Variants in C1orf94 observed in about 807,000 individuals in gnomAD.
The protein encoded by C1orf94 is uncharacterized protein C1orf94.
Under a neutral mutation model 53.6 loss-of-function variants are expected in C1orf94, and 45 were observed. The ratio of observed to expected loss-of-function variants is 0.84; its 90% CI spans 0.66 to 1.08. C1orf94 has a LOEUF of 1.08. Ranked by LOEUF, C1orf94 falls within the 50% of genes least tolerant of loss-of-function variation. C1orf94 has a pLI of 0.00. For synonymous variants in C1orf94, 304 were observed against 296.1 expected (o/e 1.03, Z -0.27); for missense variants, 762 against 738.9 (o/e 1.03, Z -0.36).
At chr1:34,195,498 A>G (rs1571342967) in intron 1 of C1orf94, among the ~76,000 whole-genome samples, 1 of 152,118 alleles carries the variant, frequency 6.6e-6, no homozygotes, top group Non-Finnish European at 1.5e-5. Flanking sequence ...AGAGAGGCTC[A>G]TGTTCAAGAA....
At chr1:34,169,603 G>GAGAGAGAGAGAA (rs1642110292) in intron 1 of C1orf94, among the ~76,000 whole-genome samples, 1 of 82,254 alleles carries the variant, frequency 1.2e-5, no homozygotes, top group African/African-American at 4.6e-5. Flanking sequence ...AGCTGAGAGA[G>GAGAGAGAGAGAA]AGAGAGAGAG....
intron 1 of C1orf94, among the ~76,000 whole-genome samples, chr1:34,189,737 G>A (rs920256211): frequency 6.6e-6 from 1 of 152,130 alleles, no homozygotes; most frequent in African/African-American, 2.4e-5. Context: ...CACTGCCACA[G>A]CTCCTGCAAG....
At position 34,177,700 on chromosome 1, in the gene C1orf94, G is replaced by A; in HGVS notation, c.-90G>A. On this transcript the variant is annotated 5_prime_UTR_variant, in exon 1 of 7. Transcript: ENST00000488417. ...CCCACCCCTCCCACACAAATAGAAG[G>A]CCTCTGAACCTAACCACCTTGCTGG... 1 of 1,187,226 alleles carries A rather than the reference G, an allele frequency of 8.4e-7. No individual in the cohort carries two copies. 73.5% of individuals were successfully genotyped at this position (1,187,226 alleles called of 1,614,324 possible). A position where few individuals can be genotyped will look rare whatever the true frequency, so the allele number is the denominator to read the frequency against.
At chr1:34,203,402 C>G (rs951386402) in intron 4 of C1orf94, among the ~76,000 whole-genome samples, 5 of 152,126 alleles carry the variant, frequency 3.3e-5, no homozygotes, top group African/African-American at 1.2e-4. Context: ...GCTGGGAGTA[C>G]AGGGGTGAGC....
intron 4 of C1orf94, among the ~76,000 whole-genome samples, chr1:34,204,193 C>T (rs529200958): frequency 1.3e-5 from 2 of 152,326 alleles, no homozygotes; most frequent in South Asian, 4.1e-4. Flanking sequence ...CAACACAGCA[C>T]AAACCTTATG....
At position 34,197,815 on chromosome 1, in the gene C1orf94, T is replaced by C. The variant is rs775804031; in HGVS notation, c.911T>C (p.Leu304Pro). 56 of 1,614,040 alleles carry C rather than the reference T, an allele frequency of 3.5e-5. No individual in the cohort carries two copies. In the Middle Eastern group the frequency reaches 8.2e-4, roughly 24 times the overall value. Reference sequence around the variant, plus strand: ...CCTCCTCCTGCACGTCCTGACAAGCTCCCTGAGCTCCCTGCTCAGAAGAGG... The same window carrying C: ...CCTCCTCCTGCACGTCCTGACAAGCCCCCTGAGCTCCCTGCTCAGAAGAGG... ...PRPPPARPDKLPELPAQKRQL... is the reference protein window; with the variant it reads ...PRPPPARPDKPPELPAQKRQL... The change falls in exon 2 of 7, where the codon CTC becomes CCC. Residue 304 changes from leucine to proline, a missense_variant. Leu to Pro is a moderately conservative substitution (Grantham distance 98). Coordinates refer to ENST00000488417, the MANE Select transcript of C1orf94 (RefSeq NM_001134734.2). This position sits in a 1 kb window ranked among gnomAD's most constrained non-coding sequence, Gnocchi z 4.1.
At chr1:34,216,322 T>C (rs1020373259) in intron 6 of C1orf94, among the ~76,000 whole-genome samples, 2 of 152,052 alleles carry the variant, frequency 1.3e-5, no homozygotes, top group Admixed American at 6.6e-5. Flanking sequence ...GGCTGAGCCT[T>C]GAGACTTCCA....
In C1orf94 at chr1:34,178,015, C is replaced by A; in HGVS notation, c.226C>A (p.Leu76Met). ...CHEIWKRVQG[L>M]PEASQPWTSM... ...TGAAATCTGGAAGAGAGTTCAAGGC[C>A]TGCCTGAGGCCTCACAGCCCTGGAC... Residue 76 changes from leucine (L) to methionine (M), a missense_variant, in exon 1 of 7, where the codon CTG (leucine) becomes ATG (methionine). Physicochemically the swap from Leu to Met is conservative, Grantham distance 15 (BLOSUM62 2). Coordinates refer to ENST00000488417, the MANE Select transcript of C1orf94 (RefSeq NM_001134734.2). 6.4e-7 allele frequency: 1 copy of A among 1,551,766 alleles called. No homozygotes were observed. The highest frequency in any genetic ancestry group is 8.7e-7 in the Non-Finnish European group (1 of 1,147,012).
At chr1:34,211,213 T>C (rs1445415608) in intron 5 of C1orf94, among the ~76,000 whole-genome samples, 1 of 152,178 alleles carries the variant, frequency 6.6e-6, no homozygotes, top group Non-Finnish European at 1.5e-5. Flanking sequence ...ATTTAGGTAT[T>C]CAAGCAGATG....
At chr1:34,172,116 G>C (rs1350395315), upstream of C1orf94, among the ~76,000 whole-genome samples, 3 of 152,142 alleles carry the variant, frequency 2.0e-5, no homozygotes, top group Non-Finnish European at 2.9e-5. Context: ...CTAGCTGAAG[G>C]GTTTCCCATA....
intron 1 of C1orf94, among the ~76,000 whole-genome samples, chr1:34,189,251 C>G (rs765541726): frequency 1.8e-4 from 27 of 151,532 alleles, no homozygotes; most frequent in Non-Finnish European, 2.8e-4. Flanking sequence ...GTGGGCATGG[C>G]TGTGGTACGT....
intron 1 of C1orf94, among the ~76,000 whole-genome samples, chr1:34,180,540 TA>T (rs1186248288): frequency 1.3e-5 from 2 of 152,208 alleles, no homozygotes; most frequent in Admixed American, 6.5e-5. Flanking sequence ...CTCCTACAGT[TA>T]GGAAGTAGTA....
At position 34,202,278 on chromosome 1, in the gene C1orf94, C is replaced by G; in HGVS notation, c.1446+19C>G. ...GTATCAGGTCAGTGAGCTGGCCTGG[C>G]TCTCCTGTGGACATCCACGGGGGTT... On this transcript the variant is annotated intron_variant, in intron 4 of 6. Transcript: ENST00000488417. 1 of 1,611,822 alleles carries G rather than the reference C, an allele frequency of 6.2e-7. No homozygotes were observed. Among genetic ancestry groups the G allele is most frequent in the East Asian group, 2.2e-5 (1 of 44,758 alleles).
intron 4 of C1orf94, among the ~76,000 whole-genome samples, chr1:34,205,830 A>G (rs2148620693): frequency 6.6e-6 from 1 of 152,208 alleles, no homozygotes; most frequent in Middle Eastern, 3.4e-3. Flanking sequence ...GTGAAAGACA[A>G]AGTCCCCAAC....
At chr1:34,180,376 T>A (rs1642295324) in intron 1 of C1orf94, among the ~76,000 whole-genome samples, 2 of 152,254 alleles carry the variant, frequency 1.3e-5, no homozygotes. Context: ...AATAATAATA[T>A]GGTGAATATC....
intron 1 of C1orf94, among the ~76,000 whole-genome samples, chr1:34,179,549 C>A (rs994223714): frequency 1.3e-5 from 2 of 152,246 alleles, no homozygotes; most frequent in African/African-American, 4.8e-5. Context: ...AACTGGTGCA[C>A]CTTTGGCCAG....
intron 1 of C1orf94, among the ~76,000 whole-genome samples, chr1:34,184,994 G>A (rs1379793418): frequency 6.6e-6 from 1 of 151,988 alleles, no homozygotes; most frequent in Admixed American, 6.6e-5. Context: ...CCTCTTGGAG[G>A]GGTCAATACC....
intron 4 of C1orf94, among the ~76,000 whole-genome samples, chr1:34,202,936 G>C (rs1443169739): frequency 6.6e-6 from 1 of 152,158 alleles, no homozygotes; most frequent in Non-Finnish European, 1.5e-5. Context: ...AGATAATACA[G>C]TATAATAACT....
chr1:34,208,399 C>T (rs1642834744), intron 5 of C1orf94, among the ~76,000 whole-genome samples, 165 bp downstream of exon 5: 2 of 152,172 alleles, frequency 1.3e-5, no homozygotes, highest in Admixed American at 6.5e-5. Context: ...AAACACAAAC[C>T]GATGTCCGTA....
Sources: allele counts gnomAD v4.1 joint callset (sites outside exome capture counted in the v4.1 genomes callset), GRCh38; gene constraint gnomAD v4.1.1; non-coding constraint Gnocchi (gnomAD v3.1); transcripts MANE v1.5; gene names NCBI Gene and HGNC (gene_info 2026-07-23, HGNC 2026-07-21).